The following ZNF618 variants were observed in gnomAD, a reference collection of about 807,000 sequenced individuals.
ZNF618 encodes zinc finger protein 618.
In ZNF618, 34 loss-of-function variants were observed where a neutral mutation model predicts 103.0. The observed-to-expected ratio is 0.33, with a 90% CI of 0.25 to 0.44. The LOEUF is 0.44. Ranked by LOEUF, ZNF618 falls within the 20% of genes least tolerant of loss-of-function variation. ZNF618 has a pLI of 1.00. For synonymous variants in ZNF618, 551 were observed against 542.2 expected, an observed-to-expected ratio of 1.02 and a Z score of -0.23; for missense variants, 1,059 against 1,295.4, an observed-to-expected ratio of 0.82 and a Z score of 2.80.
At chr9:113,876,491 T>G (rs897551151) in intron 1 of ZNF618, 78 bp downstream of exon 1, 2 of 1,082,972 alleles carry the variant, frequency 1.8e-6, no homozygotes, top group African/African-American at 1.7e-5. Context: ...GCCACTTCAT[T>G]GCAAGATTTG....
intron 7 of ZNF618, among the ~76,000 whole-genome samples, chr9:114,007,821 A>T (rs1841889220): frequency 6.6e-6 from 1 of 152,254 alleles, no homozygotes; most frequent in Non-Finnish European, 1.5e-5. Flanking sequence ...AGAAATTAGA[A>T]TAATACATTT....
intron 14 of ZNF618, among the ~76,000 whole-genome samples, chr9:114,048,406 A>C (rs140492410): frequency 5.1e-4 from 78 of 152,322 alleles, no homozygotes; most frequent in African/African-American, 1.8e-3. Context: ...CATAGACCGC[A>C]ATTATGTTGC....
intron 3 of ZNF618, among the ~76,000 whole-genome samples, chr9:113,996,547 C>A (rs1016065517): frequency 1.3e-5 from 2 of 152,210 alleles, no homozygotes; most frequent in Non-Finnish European, 2.9e-5. Context: ...CCTGTCCTCG[C>A]CTGGTCTGTC....
At chr9:113,967,179 A>AT (rs1218929256) in intron 1 of ZNF618, among the ~76,000 whole-genome samples, 6 of 152,164 alleles carry the variant, frequency 3.9e-5, no homozygotes, top group African/African-American at 1.4e-4. Context: ...GGAGTTAACC[A>AT]TTTTTTTAAG....
At chr9:113,945,436 A>G (rs1435069324) in intron 1 of ZNF618, among the ~76,000 whole-genome samples, 5 of 152,230 alleles carry the variant, frequency 3.3e-5, no homozygotes, top group African/African-American at 9.7e-5. Context: ...ACATTTCTCT[A>G]CTGCATTAGG....
chr9:114,024,196 G>A (rs1843300311), intron 10 of ZNF618, among the ~76,000 whole-genome samples: 1 of 151,800 alleles, frequency 6.6e-6, no homozygotes, highest in African/African-American at 2.4e-5. Flanking sequence ...TCTCTTCTGT[G>A]GTGTCTAATC....
chr9:113,996,783 C>G (rs1006108051), intron 3 of ZNF618, among the ~76,000 whole-genome samples: 5 of 152,168 alleles, frequency 3.3e-5, no homozygotes, highest in Admixed American at 6.5e-5. Context: ...GTGGCAGCAC[C>G]AGACATAGTG....
intron 9 of ZNF618, among the ~76,000 whole-genome samples, chr9:114,015,071 ATAT>A (rs1288627314): frequency 6.6e-6 from 1 of 152,230 alleles, no homozygotes; most frequent in Non-Finnish European, 1.5e-5. Flanking sequence ...AATTTAAATA[ATAT>A]ATTTAATACA....
intron 1 of ZNF618, among the ~76,000 whole-genome samples, chr9:113,883,623 A>G (rs572497042): frequency 6.7e-4 from 102 of 152,024 alleles, no homozygotes; most frequent in South Asian, 1.7e-3. Flanking sequence ...AGAAAACAGA[A>G]CCTTCTGTTT....
At chr9:114,036,061 A>G (rs1844569637) in intron 12 of ZNF618, among the ~76,000 whole-genome samples, 1 of 152,140 alleles carries the variant, frequency 6.6e-6, no homozygotes, top group African/African-American at 2.4e-5. Flanking sequence ...CACTCAATAA[A>G]TAGCTGCTCA....
intron 9 of ZNF618, among the ~76,000 whole-genome samples, chr9:114,013,015 A>T (rs1044075233): frequency 2.0e-5 from 3 of 152,098 alleles, no homozygotes; most frequent in Non-Finnish European, 2.9e-5. Context: ...CTATATAAGC[A>T]TTCAGGCATA....
chr9:113,883,372 A>T (rs1828714291), intron 1 of ZNF618, among the ~76,000 whole-genome samples: 1 of 152,208 alleles, frequency 6.6e-6, no homozygotes, highest in Admixed American at 6.5e-5. Flanking sequence ...TATTTCTTTA[A>T]AGTGGATGGG....
chr9:113,922,477 G>GT (rs71367740), intron 1 of ZNF618, among the ~76,000 whole-genome samples: 7,040 of 132,548 alleles, frequency 0.053, 200 homozygotes, highest in South Asian at 0.12. Context: ...GTTTTGGTTT[G>GT]TTTTTTTTTT....
intron 1 of ZNF618, among the ~76,000 whole-genome samples, chr9:113,904,898 A>G (rs1418533727): frequency 6.6e-6 from 1 of 152,018 alleles, no homozygotes; most frequent in Admixed American, 6.6e-5. Context: ...CACTCCAACC[A>G]TCCAGCATAA....
chr9:113,887,444 A>T (rs1587935299), intron 1 of ZNF618, among the ~76,000 whole-genome samples: 3 of 152,338 alleles, frequency 2.0e-5, no homozygotes, highest in Admixed American at 2.0e-4. Context: ...CTACCAAAAG[A>T]TTCCAAATTC....
Position 113,876,342 on chromosome 9 carries a change from A to C in ZNF618, c.-39A>C. ...CGCACCAGCAGCCCGGCCCGGGAGGAGCAGGACGCGCCGGGGCCGCCTCCT... is the reference window on the plus strand; with the variant it reads ...CGCACCAGCAGCCCGGCCCGGGAGGCGCAGGACGCGCCGGGGCCGCCTCCT... On this transcript the variant is annotated 5_prime_UTR_variant, in exon 1 of 15. Transcript: ENST00000374126. 1.7e-6 allele frequency: 2 copies of C among 1,173,394 alleles called. No homozygotes were observed. The highest frequency in any genetic ancestry group is 1.0e-6 in the Non-Finnish European group (1 of 955,532). The allele number at this position is 1,173,394 out of a possible 1,614,324, so 72.7% of individuals were successfully genotyped here.
At chr9:113,892,199 G>A (rs541841225) in intron 1 of ZNF618, among the ~76,000 whole-genome samples, 4 of 151,962 alleles carry the variant, frequency 2.6e-5, no homozygotes, top group East Asian at 1.9e-4. Context: ...TCCATGCCCC[G>A]CCCCCCCAAT....
At chr9:114,033,936 G>A (rs1313074989) in intron 12 of ZNF618, among the ~76,000 whole-genome samples, 1 of 152,166 alleles carries the variant, frequency 6.6e-6, no homozygotes, top group Non-Finnish European at 1.5e-5. Context: ...GAGTGTGGAG[G>A]CATCTGCCTA....
At chr9:114,017,151 A>G (rs2133959957) in intron 10 of ZNF618, among the ~76,000 whole-genome samples, 1 of 152,180 alleles carries the variant, frequency 6.6e-6, no homozygotes, top group East Asian at 1.9e-4. Flanking sequence ...GTTCCGCATG[A>G]TGCAGCTTCA....
Sources: allele counts gnomAD v4.1 joint callset (sites outside exome capture counted in the v4.1 genomes callset), GRCh38; gene constraint gnomAD v4.1.1; transcripts MANE v1.5; gene names NCBI Gene and HGNC (gene_info 2026-07-23, HGNC 2026-07-21).